The following AGBL1 variants were observed in gnomAD, a reference collection of about 807,000 sequenced individuals.
The protein encoded by AGBL1 is AGBL carboxypeptidase 1, also known as cytosolic carboxypeptidase 4.
In AGBL1, 130 loss-of-function variants were observed where a neutral mutation model predicts 118.9. The ratio of observed to expected loss-of-function variants is 1.09; its 90% CI spans 0.95 to 1.26. The LOEUF (loss-of-function observed/expected upper bound fraction) is 1.26, where lower values mean the gene tolerates loss of function less well. Among genes scored for constraint, AGBL1 ranks in the 50% most tolerant of loss-of-function variants. The pLI is 0.00. For synonymous variants in AGBL1, 555 were observed against 478.9 expected (o/e 1.16, Z -2.08); for missense variants, 1,584 against 1,298.1 (o/e 1.22, Z -3.38).
At position 86,908,249 on chromosome 15, in the gene AGBL1, A is replaced by G. The variant is rs1490678438; in HGVS notation, c.*955A>G. 6.6e-6 allele frequency: 1 copy of G among 152,224 alleles called. No homozygotes were observed. Among genetic ancestry groups the G allele is most frequent in the African/African-American group, 2.4e-5 (1 of 41,466 alleles). 9.4% of individuals were successfully genotyped at this position (152,224 alleles called of 1,614,324 possible). On this transcript the variant is annotated 3_prime_UTR_variant, in exon 23 of 23. Transcript: ENST00000614907. The stretch of plus-strand genomic sequence containing the variant: ...CAACAACATTGGCTTATTTTTCTTC[A>G]TAACACAAAAGAACATTCTATATAA...
intron 22 of AGBL1, among the ~76,000 whole-genome samples, chr15:86,722,974 G>T (rs558905032): frequency 1.0e-4 from 15 of 149,406 alleles, no homozygotes; most frequent in African/African-American, 3.5e-4. Flanking sequence ...CCACCAGTTA[G>T]AATGGCCATC....
chr15:86,994,318 T>G (rs75090585), intron 24 of AGBL1, among the ~76,000 whole-genome samples: 2 of 151,984 alleles, frequency 1.3e-5, no homozygotes, highest in African/African-American at 4.8e-5. Flanking sequence ...TCTCTATATA[T>G]ATATATCCTG....
chr15:86,736,770 C>T (rs1247098220), intron 22 of AGBL1, among the ~76,000 whole-genome samples: 1 of 152,162 alleles, frequency 6.6e-6, no homozygotes, highest in Non-Finnish European at 1.5e-5. Context: ...AGGCCTGCGA[C>T]ATTAATACCT....
chr15:86,378,487 C>T (rs760458369), intron 17 of AGBL1, among the ~76,000 whole-genome samples: 2 of 152,116 alleles, frequency 1.3e-5, no homozygotes, highest in Non-Finnish European at 2.9e-5. Flanking sequence ...TACAATCACT[C>T]AGCCAGCCCT....
chr15:86,847,988 G>T lies in AGBL1; in HGVS notation c.3159-59099G>T, dbSNP rs73445293. Among the ~76,000 whole-genome samples the T allele has an allele frequency of 5.5e-3, 831 of 152,226 alleles. 11 individuals carry two copies. Among genetic ancestry groups the T allele is most frequent in the African/African-American group, 0.019 (793 of 41,526 alleles). ...ACTGGTCATTCATTCATTCCTTCGTGACAGAGATACCTATAAACACGGACA... is the reference window on the plus strand; with the variant it reads ...ACTGGTCATTCATTCATTCCTTCGTTACAGAGATACCTATAAACACGGACA... On this transcript the variant is annotated intron_variant, in intron 22 of 22. Transcript: ENST00000614907.
intron 5 of AGBL1, among the ~76,000 whole-genome samples, chr15:86,165,492 G>A (rs1198834138): frequency 6.6e-6 from 1 of 152,160 alleles, no homozygotes; most frequent in Non-Finnish European, 1.5e-5. Context: ...GACTCAGCCA[G>A]AGCTAATGGA....
At chr15:86,161,651 T>A (rs1171613059) in intron 5 of AGBL1, among the ~76,000 whole-genome samples, 3 of 152,244 alleles carry the variant, frequency 2.0e-5, no homozygotes, top group African/African-American at 7.2e-5. Context: ...ATTTGCTTAA[T>A]GATAGAGGAG....
intron 22 of AGBL1, among the ~76,000 whole-genome samples, chr15:86,874,179 G>A (rs147496601): frequency 4.7e-4 from 71 of 152,142 alleles, no homozygotes; most frequent in African/African-American, 1.6e-3. Context: ...CTTCTATGGA[G>A]AGCCAAAATT....
chr15:86,731,139 A>G (rs1361349079), intron 22 of AGBL1, among the ~76,000 whole-genome samples: 1 of 152,088 alleles, frequency 6.6e-6, no homozygotes, highest in African/African-American at 2.4e-5. Flanking sequence ...CCTTATATAT[A>G]AACAAATCAG....
At chr15:86,778,504 C>A (rs2078289498) in intron 22 of AGBL1, among the ~76,000 whole-genome samples, 1 of 152,158 alleles carries the variant, frequency 6.6e-6, no homozygotes, top group East Asian at 1.9e-4. Context: ...GGCCTACCCT[C>A]AGGGACGCAT....
At chr15:86,962,908 T>C (rs1447055457) in intron 23 of AGBL1, among the ~76,000 whole-genome samples, 1 of 152,128 alleles carries the variant, frequency 6.6e-6, no homozygotes, top group Non-Finnish European at 1.5e-5. Flanking sequence ...CTCAAACTTC[T>C]AAAGTTATGA....
At chr15:86,276,865 A>G (rs1217642999) in intron 15 of AGBL1, among the ~76,000 whole-genome samples, 3 of 152,222 alleles carry the variant, frequency 2.0e-5, no homozygotes, top group Non-Finnish European at 4.4e-5. Context: ...TCAGTTTATC[A>G]TGGATGAACT....
chr15:86,492,677 C>T (rs954207919), intron 18 of AGBL1, among the ~76,000 whole-genome samples: 9 of 150,222 alleles, frequency 6.0e-5, no homozygotes, highest in African/African-American at 1.5e-4. Flanking sequence ...AAATAGGAAA[C>T]CATTGATGAG....
At chr15:86,851,335 T>G (rs540192885) in intron 22 of AGBL1, among the ~76,000 whole-genome samples, 5 of 152,158 alleles carry the variant, frequency 3.3e-5, no homozygotes, top group Non-Finnish European at 7.4e-5. Flanking sequence ...CTACTAGAAC[T>G]GGCTCACTCT....
At chr15:86,858,037 T>C (rs2079507523) in intron 22 of AGBL1, among the ~76,000 whole-genome samples, 2 of 152,208 alleles carry the variant, frequency 1.3e-5, no homozygotes, top group Non-Finnish European at 1.5e-5. Flanking sequence ...TTCTTCACTC[T>C]GCCCACGTAA....
At chr15:86,441,176 G>A (rs753487502) in intron 18 of AGBL1, among the ~76,000 whole-genome samples, 4 of 152,196 alleles carry the variant, frequency 2.6e-5, no homozygotes, top group African/African-American at 9.7e-5. Flanking sequence ...ATTGTGCCAC[G>A]TGACTGTACT....
chr15:86,924,292 T>C (rs185265621), intron 23 of AGBL1, among the ~76,000 whole-genome samples: 3 of 152,360 alleles, frequency 2.0e-5, no homozygotes, highest in African/African-American at 7.2e-5. Flanking sequence ...AATGGTCTTA[T>C]TGGCAAGGAC....
At chr15:86,711,746 C>T (rs75620515) in intron 22 of AGBL1, among the ~76,000 whole-genome samples, 151 of 152,304 alleles carry the variant, frequency 9.9e-4, no homozygotes, top group African/African-American at 3.6e-3. Flanking sequence ...TTGCCTGTGG[C>T]TGCTTTGCTG....
At chr15:86,395,193 G>C (rs554552385) in intron 17 of AGBL1, among the ~76,000 whole-genome samples, 2 of 152,160 alleles carry the variant, frequency 1.3e-5, no homozygotes, top group East Asian at 3.9e-4. Context: ...GATCTTACCA[G>C]TTTAATATTA....
Sources: allele counts gnomAD v4.1 joint callset (sites outside exome capture counted in the v4.1 genomes callset), GRCh38; gene constraint gnomAD v4.1.1; transcripts MANE v1.5; gene names NCBI Gene and HGNC (gene_info 2026-07-23, HGNC 2026-07-21).